CNBD1: variants seen among roughly 807,000 people sequenced by gnomAD.
The protein encoded by CNBD1 is cyclic nucleotide-binding domain-containing protein 1.
In CNBD1, 71 loss-of-function variants were observed where a neutral mutation model predicts 54.4. That is an observed-to-expected ratio of 1.30 (90% CI 1.08 to 1.59). The LOEUF (loss-of-function observed/expected upper bound fraction) is 1.59, where lower values mean the gene tolerates loss of function less well. Ranked by LOEUF, CNBD1 falls within the 40% of genes most tolerant of loss-of-function variation. CNBD1 has a pLI of 0.00. For missense variants in CNBD1, 659 were observed against 518.0 expected (o/e 1.27, Z -2.64); for synonymous variants, 182 against 170.7 (o/e 1.07, Z -0.51).
At chr8:87,049,545 G>A (rs766736734) in intron 4 of CNBD1, among the ~76,000 whole-genome samples, 1 of 152,126 alleles carries the variant, frequency 6.6e-6, no homozygotes, top group Non-Finnish European at 1.5e-5. Context: ...TTCTTGTTCT[G>A]TGAAGGAACT....
intron 3 of CNBD1, among the ~76,000 whole-genome samples, chr8:86,932,218 C>T (rs1344448452): frequency 6.6e-6 from 1 of 152,182 alleles, no homozygotes; most frequent in Admixed American, 6.5e-5. Flanking sequence ...CCCTGTAGGA[C>T]ATCTATATCC....
intron 5 of CNBD1, among the ~76,000 whole-genome samples, chr8:87,226,624 G>A (rs1469517715): frequency 1.3e-5 from 2 of 151,388 alleles, no homozygotes; most frequent in Non-Finnish European, 2.9e-5. Context: ...TGTAATTTCT[G>A]TTCTTTTGCA....
chr8:87,069,440 CCATTA>C (rs1810717700), intron 4 of CNBD1, among the ~76,000 whole-genome samples: 2 of 152,026 alleles, frequency 1.3e-5, no homozygotes, highest in South Asian at 2.1e-4. Flanking sequence ...CAAATACTTA[CCATTA>C]CATTACATTT....
chr8:87,100,825 T>C (rs1586256516), intron 4 of CNBD1, among the ~76,000 whole-genome samples: 1 of 152,178 alleles, frequency 6.6e-6, no homozygotes, highest in East Asian at 1.9e-4. Context: ...AGTTCAGAGC[T>C]GACAGAGTGG....
chr8:87,179,142 C>A (rs1166342420), intron 4 of CNBD1, among the ~76,000 whole-genome samples: 3 of 152,184 alleles, frequency 2.0e-5, no homozygotes, highest in African/African-American at 2.4e-5. Flanking sequence ...ATCTCTTGAC[C>A]TCGTGATCCA....
At chr8:86,949,952 T>TTTTTG (rs1807563732) in intron 4 of CNBD1, among the ~76,000 whole-genome samples, 1 of 85,358 alleles carries the variant, frequency 1.2e-5, no homozygotes, top group African/African-American at 4.2e-5. Flanking sequence ...AAATGCTTTT[T>TTTTTG]TTTTTTTTTT....
chr8:87,390,908 G>T (rs1811295596), intron 2 of CNBD1, among the ~76,000 whole-genome samples: 2 of 152,134 alleles, frequency 1.3e-5, no homozygotes, highest in African/African-American at 2.4e-5. Flanking sequence ...ATACTATGCA[G>T]CCATAAAAAA....
chr8:87,094,762 G>A (rs781767112), intron 4 of CNBD1, among the ~76,000 whole-genome samples: 26 of 152,334 alleles, frequency 1.7e-4, no homozygotes, highest in Non-Finnish European at 3.1e-4. Flanking sequence ...TATGGGCCAG[G>A]TGCAGTGGCT....
intron 1 of CNBD1, among the ~76,000 whole-genome samples, chr8:86,879,739 G>A (rs1389669309): frequency 6.6e-6 from 1 of 152,096 alleles, no homozygotes; most frequent in Non-Finnish European, 1.5e-5. Flanking sequence ...GGACATGGTG[G>A]CGGGCGCCTG....
chr8:86,914,032 G>A (rs571226044), intron 3 of CNBD1, among the ~76,000 whole-genome samples: 4 of 152,216 alleles, frequency 2.6e-5, no homozygotes, highest in Non-Finnish European at 4.4e-5. Context: ...CAGCCCACAG[G>A]CAGCCAGACT....
chr8:86,942,827 G>A (rs1807364482), intron 4 of CNBD1, among the ~76,000 whole-genome samples: 1 of 152,132 alleles, frequency 6.6e-6, no homozygotes, highest in Non-Finnish European at 1.5e-5. Flanking sequence ...TCTGTTAATT[G>A]CATTAGCAAT....
chr8:87,340,186 C>A (rs1040449285), intron 8 of CNBD1, among the ~76,000 whole-genome samples: 3 of 152,158 alleles, frequency 2.0e-5, no homozygotes, highest in Non-Finnish European at 4.4e-5. Flanking sequence ...TTTCTTTCAA[C>A]ATTGAATATG....
intron 4 of CNBD1, among the ~76,000 whole-genome samples, chr8:87,129,552 T>G (rs1812073556): frequency 6.6e-6 from 1 of 152,180 alleles, no homozygotes; most frequent in Non-Finnish European, 1.5e-5. Context: ...TTCTTAATTT[T>G]CTCTTTAGGT....
At chr8:87,271,151 T>G (rs1258999350) in intron 6 of CNBD1, among the ~76,000 whole-genome samples, 4 of 151,840 alleles carry the variant, frequency 2.6e-5, no homozygotes, top group Non-Finnish European at 4.4e-5. Context: ...AATTTTGGTC[T>G]TCTCTCTTGT....
At chr8:86,916,749 G>C (rs1289236562) in intron 3 of CNBD1, among the ~76,000 whole-genome samples, 1 of 151,444 alleles carries the variant, frequency 6.6e-6, no homozygotes, top group East Asian at 1.9e-4. Flanking sequence ...TGTCACCCAA[G>C]CTGGAGTGCA....
intron 4 of CNBD1, among the ~76,000 whole-genome samples, chr8:87,067,140 T>G (rs1013950028): frequency 2.0e-5 from 3 of 152,020 alleles, no homozygotes; most frequent in Non-Finnish European, 4.4e-5. Context: ...AATGATGCAC[T>G]TGAGAGCTGA....
intron 2 of CNBD1, among the ~76,000 whole-genome samples, chr8:87,394,256 C>T (rs1811369879): frequency 6.6e-6 from 1 of 151,826 alleles, no homozygotes; most frequent in South Asian, 2.1e-4. Flanking sequence ...CAAAGCGTTG[C>T]TAAATATCAA....
chr8:87,414,199 A>G (rs1160648935), intron 2 of CNBD1, among the ~76,000 whole-genome samples: 1 of 152,108 alleles, frequency 6.6e-6, no homozygotes, highest in Non-Finnish European at 1.5e-5. Context: ...GCCATAAAAA[A>G]TGAAGAGTTC....
intron 1 of CNBD1, among the ~76,000 whole-genome samples, chr8:86,868,579 C>CA (rs397783406): frequency 2.6e-5 from 4 of 151,926 alleles, no homozygotes; most frequent in Admixed American, 6.6e-5. Flanking sequence ...GATCTGCCCC[C>CA]CTCAGCCTCC....
Sources: allele counts gnomAD v4.1 joint callset (sites outside exome capture counted in the v4.1 genomes callset), GRCh38; gene constraint gnomAD v4.1.1; transcripts MANE v1.5; gene names NCBI Gene and HGNC (gene_info 2026-07-23, HGNC 2026-07-21).